The following ADD2 variants were observed in gnomAD, a reference collection of about 807,000 sequenced individuals.
The protein encoded by ADD2 is adducin 2.
ADD2 carries 23 observed loss-of-function variants against 83.0 expected under a neutral mutation model. The ratio of observed to expected loss-of-function variants is 0.28; its 90% CI spans 0.20 to 0.39. The LOEUF is 0.39. Among genes scored for constraint, ADD2 ranks in the 10% least tolerant of loss-of-function variants. The probability of loss-of-function intolerance (pLI) is 1.00; values close to 1 mark genes in which losing one functional copy is unlikely to be tolerated. For missense variants in ADD2, 758 were observed against 944.9 expected (o/e 0.80, Z 2.59); for synonymous variants, 375 against 375.4 (o/e 1.00, Z 0.01).
intron 4 of ADD2, among the ~76,000 whole-genome samples, chr2:70,699,364 T>C (rs1233009500): frequency 6.6e-6 from 1 of 151,828 alleles, no homozygotes; most frequent in Non-Finnish European, 1.5e-5. Flanking sequence ...AAGGGGAAAA[T>C]ATCCATAAGC....
intron 13 of ADD2, chr2:70,675,908 A>T: frequency 1.0e-6 from 1 of 985,344 alleles, no homozygotes. Context: ...CCGCCAGAAC[A>T]TGGCTATTTC....
chr2:70,684,067 A>T (rs1434682399), intron 9 of ADD2, among the ~76,000 whole-genome samples: 1 of 152,190 alleles, frequency 6.6e-6, no homozygotes, highest in Non-Finnish European at 1.5e-5. Flanking sequence ...TTGTGATTGT[A>T]TCTGGGGAGG....
intron 10 of ADD2, 88 bp from the exon 11 acceptor site, chr2:70,679,049 T>A (rs1670327483): frequency 6.9e-7 from 1 of 1,444,174 alleles, no homozygotes; most frequent in East Asian, 2.3e-5. Context: ...TCCTTCCGTC[T>A]GCTTAAAGGA....
At chr2:70,680,480 T>C (rs1670402630) in intron 10 of ADD2, among the ~76,000 whole-genome samples, 1 of 152,210 alleles carries the variant, frequency 6.6e-6, no homozygotes, top group African/African-American at 2.4e-5. Context: ...CTTTTCTTTT[T>C]ATAACATTGC....
chr2:70,745,733 C>T (rs1030463043), intron 1 of ADD2, among the ~76,000 whole-genome samples: 2 of 152,136 alleles, frequency 1.3e-5, no homozygotes, highest in Admixed American at 1.3e-4. Context: ...CCAATTACTC[C>T]AAGGAATGTC....
chr2:70,725,642 G>A (rs1420271373), intron 1 of ADD2, among the ~76,000 whole-genome samples: 1 of 152,060 alleles, frequency 6.6e-6, no homozygotes, highest in Non-Finnish European at 1.5e-5. Flanking sequence ...CACAAGCCAA[G>A]GAACACCAGG....
intron 3 of ADD2, among the ~76,000 whole-genome samples, chr2:70,705,154 C>T (rs540956097): frequency 6.6e-6 from 1 of 152,312 alleles, no homozygotes; most frequent in African/African-American, 2.4e-5. Flanking sequence ...TCTGCCGCCT[C>T]TCCTAACCCC....
chr2:70,678,542 G>A (rs1402577800), intron 11 of ADD2, among the ~76,000 whole-genome samples, 162 bp downstream of exon 11: 3 of 152,240 alleles, frequency 2.0e-5, no homozygotes, highest in Non-Finnish European at 2.9e-5. Context: ...CAGGGGCTCA[G>A]TGGGCCTGAG....
intron 6 of ADD2, among the ~76,000 whole-genome samples, chr2:70,692,978 C>T (rs1355965299): frequency 1.3e-5 from 2 of 152,108 alleles, no homozygotes; most frequent in African/African-American, 4.8e-5. Context: ...GGGAGTCTTT[C>T]ATCCCATCAG....
intron 1 of ADD2, among the ~76,000 whole-genome samples, chr2:70,741,115 A>G (rs1553381047): frequency 6.6e-6 from 1 of 152,234 alleles, no homozygotes; most frequent in Admixed American, 6.5e-5. Context: ...AAGAAATGAT[A>G]AATTGCCCTG....
At chr2:70,696,104 TAA>T in intron 5 of ADD2, 139 bp downstream of exon 5, 1 of 1,209,598 alleles carries the variant, frequency 8.3e-7, no homozygotes, top group Non-Finnish European at 1.1e-6. Context: ...CCACAGTGGT[TAA>T]AAAACTTGGA....
intron 10 of ADD2, among the ~76,000 whole-genome samples, chr2:70,681,641 C>A (rs1670452478): frequency 6.6e-6 from 1 of 151,844 alleles, no homozygotes; most frequent in African/African-American, 2.4e-5. Flanking sequence ...CAGGTAGTTA[C>A]AAAAGTATTC....
In ADD2 at chr2:70,678,758, G is replaced by A; in HGVS notation, c.1329C>T (p.Val443=). ...WLNTPNTYLR[V]NVADEVQRSM... ...TCCTCTGGACCTCATCGGCCACATT[G>A]ACCCGCAGGTAGGTGTTGGGCGTAT... Residue 443 remains valine, a synonymous_variant, in exon 11 of 16, where the codon GTC becomes GTT. Coordinates refer to ENST00000264436, the MANE Select transcript of ADD2 (RefSeq NM_001617.4). 6.2e-7 allele frequency: 1 copy of A among 1,608,538 alleles called. No homozygotes were observed. The highest frequency in any genetic ancestry group is 1.1e-5 in the South Asian group (1 of 89,950).
At chr2:70,675,146 A>G (rs1553367959) in intron 13 of ADD2, 2 of 1,047,798 alleles carry the variant, frequency 1.9e-6, no homozygotes, top group Non-Finnish European at 2.3e-6. Flanking sequence ...CCAAGCCATC[A>G]CTATGCAAAT....
chr2:70,678,119 G>C (rs781944749), intron 11 of ADD2, among the ~76,000 whole-genome samples: 2 of 152,236 alleles, frequency 1.3e-5, no homozygotes, highest in African/African-American at 2.4e-5. Context: ...ACATCCAAGA[G>C]TTGGGGTCAG....
chr2:70,710,347 A>G (rs2024458), intron 2 of ADD2, among the ~76,000 whole-genome samples: 59,686 of 152,160 alleles, frequency 0.39, 13,872 homozygotes, highest in African/African-American at 0.66. Context: ...CCAGTAACTG[A>G]TCTGTGAAGG....
At chr2:70,663,941 A>G (rs782377757) in intron 15 of ADD2, among the ~76,000 whole-genome samples, 1 of 151,870 alleles carries the variant, frequency 6.6e-6, no homozygotes, top group Non-Finnish European at 1.5e-5. Flanking sequence ...TCCTGGGAAC[A>G]CCCCCTTGCA....
intron 1 of ADD2, among the ~76,000 whole-genome samples, chr2:70,739,795 TCA>T (rs1553380755): frequency 6.6e-6 from 1 of 152,230 alleles, no homozygotes; most frequent in Non-Finnish European, 1.5e-5. Flanking sequence ...CTGCATGTTC[TCA>T]CTTATAAGTG....
chr2:70,698,661 A>T (rs1183987266), intron 4 of ADD2, among the ~76,000 whole-genome samples: 2 of 152,206 alleles, frequency 1.3e-5, no homozygotes, highest in Non-Finnish European at 2.9e-5. Context: ...TTTATATATA[A>T]AAATGTCGCT....
Sources: gnomAD v4.1 joint callset for allele counts (sites outside exome capture counted in the v4.1 genomes callset) on GRCh38, gnomAD v4.1.1 for gene constraint, MANE v1.5 for transcripts, NCBI Gene and HGNC (gene_info 2026-07-23, HGNC 2026-07-21) for gene names.